The following UNC79 variants were observed in gnomAD, a reference collection of about 807,000 sequenced individuals.
UNC79 encodes protein unc-79 homolog.
In UNC79, 37 loss-of-function variants were observed where a neutral mutation model predicts 283.1. That is an observed-to-expected ratio of 0.13 (90% CI 0.10 to 0.17). The LOEUF is 0.17. UNC79 is among the 10% of genes least tolerant of loss of function. The pLI is 1.00. For missense variants in UNC79, 2,272 were observed against 3,211.1 expected (o/e 0.71, Z 7.07); for synonymous variants, 1,107 against 1,200.2 (o/e 0.92, Z 1.61).
rs140600423 is a variant in UNC79 at position 93,378,485 on chromosome 14, T to G, written c.-351+44962T>G. Among the ~76,000 whole-genome samples, 228 of 150,124 alleles carry G rather than the reference T, an allele frequency of 1.5e-3. 1 individual carries two copies. Among genetic ancestry groups the G allele is most frequent in the Non-Finnish European group, 2.5e-3 (165 of 67,314 alleles). The stretch of plus-strand genomic sequence containing the variant: ...AGGACCAGAAGTGTTTCAGATTTTG[T>G]TTTTTTTTCAGATTTTGGAATATCA... On this transcript the variant is annotated intron_variant, in intron 1 of 49. Transcript: ENST00000256339.
At chr14:93,603,674 A>G (rs897052201) in intron 26 of UNC79, among the ~76,000 whole-genome samples, 1 of 152,234 alleles carries the variant, frequency 6.6e-6, no homozygotes, top group African/African-American at 2.4e-5. Context: ...AAATGCATTG[A>G]TGCTTGGCAT....
At chr14:93,341,001 T>A (rs2053696835) in intron 1 of UNC79, among the ~76,000 whole-genome samples, 1 of 152,232 alleles carries the variant, frequency 6.6e-6, no homozygotes, top group Admixed American at 6.5e-5. Flanking sequence ...ATATGCTTTA[T>A]TTTCCTGAGG....
At chr14:93,501,281 G>A (rs8014423) in intron 7 of UNC79, among the ~76,000 whole-genome samples, 2,085 of 151,932 alleles carry the variant, frequency 0.014, 58 homozygotes, top group African/African-American at 0.048. Flanking sequence ...CCAAGATTGC[G>A]CCATTGCACT....
At chr14:93,422,786 C>A (rs540362878) in intron 1 of UNC79, among the ~76,000 whole-genome samples, 1 of 151,956 alleles carries the variant, frequency 6.6e-6, no homozygotes, top group Non-Finnish European at 1.5e-5. Flanking sequence ...CAAGGCCAGG[C>A]TTGGTGGCTT....
At chr14:93,494,218 AT>A (rs951821725) in intron 5 of UNC79, among the ~76,000 whole-genome samples, 21 of 151,974 alleles carry the variant, frequency 1.4e-4, no homozygotes, top group Admixed American at 1.4e-3. Context: ...AAACAACCAG[AT>A]CTTGTGAGAA....
At chr14:93,432,935 C>A (rs2140099109) in intron 1 of UNC79, among the ~76,000 whole-genome samples, 1 of 152,272 alleles carries the variant, frequency 6.6e-6, no homozygotes, top group African/African-American at 2.4e-5. Context: ...GATGCTTTGT[C>A]TTGTCTCTTT....
chr14:93,380,327 T>A (rs1337021105), intron 1 of UNC79, among the ~76,000 whole-genome samples: 1 of 152,220 alleles, frequency 6.6e-6, no homozygotes, highest in Non-Finnish European at 1.5e-5. Context: ...GTAAAAAGTA[T>A]GAAGACTGCC....
At chr14:93,611,681 A>G (rs2066319008) in intron 26 of UNC79, among the ~76,000 whole-genome samples, 2 of 152,172 alleles carry the variant, frequency 1.3e-5, no homozygotes, top group Non-Finnish European at 2.9e-5. Context: ...CCGTAATAAT[A>G]ATGGGTGTAA....
rs535134569 is a variant in UNC79, at chr14:93,418,050, C to T, written c.-350-49621C>T. Among the ~76,000 whole-genome samples, 427 of 151,962 alleles carry T rather than the reference C, an allele frequency of 2.8e-3. 2 individuals carry two copies. Among genetic ancestry groups the T allele is most frequent in the African/African-American group, 9.5e-3 (396 of 41,522 alleles). On this transcript the variant is annotated intron_variant, in intron 1 of 49. Coordinates refer to the UNC79 transcript ENST00000256339. ...AGTCATTCTCTGTCCAGCTTTGTTC[C>T]GTTGCTGGTGAGGAGCTGCGTTCCT...
At chr14:93,341,439 A>G (rs906497556) in intron 1 of UNC79, among the ~76,000 whole-genome samples, 5 of 151,960 alleles carry the variant, frequency 3.3e-5, no homozygotes, top group Admixed American at 3.3e-4. Context: ...CCTGGGCAAC[A>G]ACTGTGAAAC....
chr14:93,669,812 G>C (rs1457859913), intron 40 of UNC79, among the ~76,000 whole-genome samples: 2 of 152,108 alleles, frequency 1.3e-5, no homozygotes, highest in Non-Finnish European at 1.5e-5. Flanking sequence ...TTGTGCCCCC[G>C]ACACTAAACA....
intron 39 of UNC79, among the ~76,000 whole-genome samples, chr14:93,661,020 C>T (rs2071549263): frequency 6.6e-6 from 1 of 152,118 alleles, no homozygotes; most frequent in South Asian, 2.1e-4. Flanking sequence ...AAGTAAAAAA[C>T]AGAATTCCTA....
At chr14:93,431,601 G>A (rs2055881738) in intron 1 of UNC79, among the ~76,000 whole-genome samples, 1 of 152,136 alleles carries the variant, frequency 6.6e-6, no homozygotes. Context: ...ACTCACTAAT[G>A]CCAACACCAA....
chr14:93,334,702 T>C (rs142428719), intron 1 of UNC79: 3 of 152,376 alleles, frequency 2.0e-5, no homozygotes, highest in African/African-American at 7.2e-5. Context: ...CAATGCAACC[T>C]GGTACATGGG....
At chr14:93,373,416 AAGAG>A (rs563298659) in intron 1 of UNC79, among the ~76,000 whole-genome samples, 5 of 152,282 alleles carry the variant, frequency 3.3e-5, no homozygotes, top group Non-Finnish European at 7.4e-5. Context: ...AGAAAAAAAA[AAGAG>A]AGAGGACACA....
chr14:93,603,410 C>T, exon 26 of UNC79: 1 of 1,613,586 alleles, frequency 6.2e-7, no homozygotes, highest in South Asian at 1.1e-5. Context: ...ACCCTGACCT[C>T]CAAAATTCGT....
At chr14:93,598,742 G>A (rs1454968435) in intron 24 of UNC79, among the ~76,000 whole-genome samples, 8 of 152,094 alleles carry the variant, frequency 5.3e-5, no homozygotes, top group African/African-American at 1.7e-4. Flanking sequence ...GGCTGGTCTC[G>A]AACCCCTGGC....
chr14:93,573,590 G>T (rs1227459938), intron 16 of UNC79, among the ~76,000 whole-genome samples: 1 of 152,160 alleles, frequency 6.6e-6, no homozygotes, highest in Non-Finnish European at 1.5e-5. Context: ...ACAGATACAG[G>T]TACATTTCTG....
At chr14:93,501,138 A>G (rs1227628374) in intron 7 of UNC79, among the ~76,000 whole-genome samples, 1 of 152,022 alleles carries the variant, frequency 6.6e-6, no homozygotes, top group Non-Finnish European at 1.5e-5. Context: ...CAGCCTGGCC[A>G]ACGTGGTGAA....
Sources: allele counts gnomAD v4.1 joint callset (sites outside exome capture counted in the v4.1 genomes callset), GRCh38; gene constraint gnomAD v4.1.1; transcripts MANE v1.5; gene names NCBI Gene and HGNC (gene_info 2026-07-23, HGNC 2026-07-21).